The following SBF1 variants were observed in gnomAD, a reference collection of about 807,000 sequenced individuals.
SBF1 encodes the protein myotubularin-related protein 5.
In SBF1, 65 loss-of-function variants were observed where a neutral mutation model predicts 215.8. The ratio of observed to expected loss-of-function variants is 0.30; its 90% CI spans 0.25 to 0.37. The LOEUF is 0.37. SBF1 is among the 10% of genes least tolerant of loss of function. The pLI is 1.00. For synonymous variants in SBF1, 1,410 were observed against 1,122.8 expected (o/e 1.26, Z -5.11); for missense variants, 2,634 against 2,667.8 (o/e 0.99, Z 0.28).
chr22:50,455,682 CA>C, intron 31 of SBF1, 100 bp from the exon 32 acceptor site: 1 of 968,980 alleles, frequency 1.0e-6, no homozygotes, highest in Non-Finnish European at 1.6e-6. Context: ...AGCGGGGAGG[CA>C]GGCCCTGTCC....
rs146838312 is a variant in SBF1 at position 50,460,381 on chromosome 22, G to T, written c.3174C>A (p.Asn1058Lys). 6.2e-7 allele frequency: 1 copy of T among 1,613,000 alleles called. No individual in the cohort carries two copies. The highest frequency in any genetic ancestry group is 8.5e-7 in the Non-Finnish European group (1 of 1,179,324). The change falls in exon 25 of 41, where the codon AAC (asparagine) becomes AAA (lysine). Residue 1058 changes from asparagine to lysine, a missense_variant. Coordinates refer to ENST00000380817, the MANE Select transcript of SBF1 (RefSeq NM_002972.4). ...GCTGCCGCCCGATGGTCTTCTTGGC[G>T]TTCTTGACCAGGTTCCGGGACAGGG... The part of the protein sequence containing the change: ...LRTLSRNLVK[N>K]AKKTIGRQHV...
Position 50,468,070 on chromosome 22 carries a change from C to A in SBF1, c.142-147G>T. Reference sequence around the variant, plus strand: ...TGGAGACCCTGGGGACACGTGGCCTCCTGGGCCTCAGTCTCTCCGGGTGAA... The same window carrying A: ...TGGAGACCCTGGGGACACGTGGCCTACTGGGCCTCAGTCTCTCCGGGTGAA... On this transcript the variant is annotated intron_variant, in intron 2 of 40. Coordinates refer to ENST00000380817, the MANE Select transcript of SBF1 (RefSeq NM_002972.4). 4.9e-6 allele frequency: 5 copies of A among 1,020,370 alleles called. 1 individual carries two copies. In the South Asian group the frequency reaches 8.0e-5, roughly 16 times the overall value. 63.2% of individuals were successfully genotyped at this position (1,020,370 alleles called of 1,614,324 possible).
At chr22:50,461,042 G>C (rs375751190) in intron 23 of SBF1, 117 bp downstream of exon 23, 3 of 1,341,506 alleles carry the variant, frequency 2.2e-6, no homozygotes, top group Admixed American at 2.6e-5. Flanking sequence ...ACATGCAAGC[G>C]TAACAACAGG....
chr22:50,466,772 G>T (rs1406530950), intron 5 of SBF1, 62 bp from the exon 6 acceptor site: 1 of 1,201,388 alleles, frequency 8.3e-7, no homozygotes, highest in African/African-American at 1.5e-5. Flanking sequence ...AGTCAGCCCA[G>T]AGCTCTGTGT....
At position 50,461,292 on chromosome 22, in the gene SBF1, G is replaced by A. The variant is rs770221640; in HGVS notation, c.2840-6C>T. The A allele has an allele frequency of 6.5e-6, 10 of 1,540,952 alleles. No individual in the cohort carries two copies. The African/African-American group carries it at 9.6e-5, about 15-fold the overall frequency. On this transcript the variant is annotated splice_region_variant and splice_polypyrimidine_tract_variant and intron_variant, in intron 22 of 40. Transcript: ENST00000380817. ...GACCACCACCTGCTCCCCAACTTAGGACAGGCCAGGCAGAGTCAGAAGCAA... is the reference window on the plus strand; with the variant it reads ...GACCACCACCTGCTCCCCAACTTAGAACAGGCCAGGCAGAGTCAGAAGCAA...
At chr22:50,447,820 G>A (rs768997573) in intron 38 of SBF1, among the ~76,000 whole-genome samples, 1 of 152,220 alleles carries the variant, frequency 6.6e-6, no homozygotes, top group Non-Finnish European at 1.5e-5. Flanking sequence ...CGCCCAGAAA[G>A]GAGACAGTGA....
At position 50,464,596 on chromosome 22, in the gene SBF1, T is replaced by C. The variant is rs764147010; in HGVS notation, c.1574A>G (p.Gln525Arg). The C allele has an allele frequency of 1.8e-5, 29 of 1,611,910 alleles. No homozygotes were observed. Among genetic ancestry groups the C allele is most frequent in the Non-Finnish European group, 2.5e-5 (29 of 1,179,776 alleles). The change falls in exon 14 of 41, where the codon CAG becomes CGG. Residue 525 changes from glutamine to arginine, a missense_variant. Coordinates refer to ENST00000380817, the MANE Select transcript of SBF1 (RefSeq NM_002972.4). ...WIVDQAAAKMQGAPPAVKAER... is the reference protein window; with the variant it reads ...WIVDQAAAKMRGAPPAVKAER... ...GGCCTTCACAGCTGGGGGTGCACCC[T>C]GCATCTTGGCTGCAGCCTGGTCCAC...
At chr22:50,456,466 C>CCCCCCCCCCCCCCCCCCCCCCCA in intron 30 of SBF1, 26 bp downstream of exon 30, 1 of 1,438,132 alleles carries the variant, frequency 7.0e-7, no homozygotes, top group Non-Finnish European at 9.2e-7. Flanking sequence ...CCCACCCTCA[C>CCCCCCCCCCCCCCCCCCCCCCCA]CCCCCACCCC....
In SBF1 at chr22:50,460,143, C is replaced by A; in HGVS notation, c.3300G>T (p.Glu1100Asp). Residue 1100 changes from glutamate (E) to aspartate (D), a missense_variant, in exon 26 of 41, where the codon GAG becomes GAT. By Grantham distance (45) the Glu-to-Asp change is conservative (BLOSUM62 2). Transcript: ENST00000380817. ...EDEISVSEEL[E>D]PSTLTPSSAL... ...CTGAGGACGGGGTCAGCGTGCTGGG[C>A]TCCAGCTCCTCCGACACTGCACAGG... is the stretch of plus-strand genomic sequence containing the variant. 13 of 1,611,746 alleles carry A rather than the reference C, an allele frequency of 8.1e-6. No individual in the cohort carries two copies. The highest frequency in any genetic ancestry group is 2.7e-5 in the African/African-American group (2 of 75,038).
chr22:50,449,262 G>GA (rs2066950908), intron 36 of SBF1, among the ~76,000 whole-genome samples: 1 of 151,620 alleles, frequency 6.6e-6, no homozygotes, highest in African/African-American at 2.4e-5. Flanking sequence ...GAAAAATGGA[G>GA]AAAAACATTA....
chr22:50,465,412 C>A, intron 10 of SBF1, 84 bp from the exon 11 acceptor site: 1 of 1,171,780 alleles, frequency 8.5e-7, no homozygotes, highest in Non-Finnish European at 1.2e-6. Context: ...ACACCCCAAC[C>A]CACCCCAAGC....
Position 50,459,662 on chromosome 22 carries a change from G to C in SBF1, c.3496C>G (p.Pro1166Ala). 3 of 1,603,496 alleles carry C rather than the reference G, an allele frequency of 1.9e-6. No individual in the cohort carries two copies. The highest frequency in any genetic ancestry group is 1.1e-5 in the South Asian group (1 of 90,176). Reference sequence around the variant, plus strand: ...CTCTGGGGCACGATCAGCAGCCCTGGGTAGCTGAGAGGAGGCAGAGGCGTG... The same window carrying C: ...CTCTGGGGCACGATCAGCAGCCCTGCGTAGCTGAGAGGAGGCAGAGGCGTG... ...NRMYAICRSY[P>A]GLLIVPQSVQ... Residue 1166 changes from proline (P) to alanine (A), a missense_variant, in exon 27 of 41, where the codon CCA becomes GCA. Pro to Ala is a conservative substitution (Grantham distance 27, BLOSUM62 -1). Transcript: ENST00000380817.
chr22:50,463,009 A>G, intron 16 of SBF1, 71 bp from the exon 17 acceptor site: 1 of 1,427,368 alleles, frequency 7.0e-7, no homozygotes, highest in Non-Finnish European at 9.6e-7. Context: ...CCATGCCCCC[A>G]CCACCCCATA....
Position 50,474,965 on chromosome 22 carries a change from CGCGGCGGCGGCG to C in SBF1, c.-137_-126del, listed in dbSNP as rs71198252. 1,852 of 276,766 alleles carry C rather than the reference CGCGGCGGCGGCG, an allele frequency of 6.7e-3. 20 individuals carry two copies. The highest frequency in any genetic ancestry group is 9.2e-3 in the Non-Finnish European group (1,586 of 173,144). The allele number at this position is 276,766 out of a possible 1,614,324, so 17.1% of individuals were successfully genotyped here. ...CACCCCGGACACCCCTGGTTCGCTCCGCGGCGGCGGCGGCGGCGGCGGCGGCGGCCCAGGTTC... is the reference window on the plus strand; with the variant it reads ...CACCCCGGACACCCCTGGTTCGCTCCGCGGCGGCGGCGGCGGCCCAGGTTC... On this transcript the variant is annotated 5_prime_UTR_variant, in exon 1 of 41. Coordinates refer to ENST00000380817, the MANE Select transcript of SBF1 (RefSeq NM_002972.4).
In SBF1 at chr22:50,461,492, G is replaced by C. The variant is rs751283177; in HGVS notation, c.2839+31C>G. The C allele has an allele frequency of 7.0e-6, 11 of 1,563,712 alleles. No homozygotes were observed. In the South Asian group the frequency reaches 9.1e-5, roughly 13 times the overall value. Reference sequence around the variant, plus strand: ...CATCCCAAAGACCTGGGGGAGAGGGGGCGACAGGGCCAGAGAGTCTGCAGG... The same window carrying C: ...CATCCCAAAGACCTGGGGGAGAGGGCGCGACAGGGCCAGAGAGTCTGCAGG... On this transcript the variant is annotated intron_variant, in intron 22 of 40. Transcript: ENST00000380817.
chr22:50,462,836 C>T, intron 17 of SBF1, 34 bp downstream of exon 17: 1 of 1,612,488 alleles, frequency 6.2e-7, no homozygotes, highest in Non-Finnish European at 8.5e-7. Flanking sequence ...GAAGGGGGGG[C>T]TGGGAAGGAG....
rs908437194 is a variant in SBF1, at chr22:50,447,090, C to T, written c.*52G>A. 1.9e-5 allele frequency: 29 copies of T among 1,526,424 alleles called. No individual in the cohort carries two copies. Among genetic ancestry groups the T allele is most frequent in the Non-Finnish European group, 2.3e-5 (26 of 1,118,004 alleles). The allele number at this position is 1,526,424 out of a possible 1,614,324, so 94.6% of individuals were successfully genotyped here. ...CATGGCCGGGGCGGCCCTGCCCACC[C>T]CTAGTGGTCGGTAACGACCGGAAGC... On this transcript the variant is annotated 3_prime_UTR_variant, in exon 41 of 41. Coordinates refer to ENST00000380817, the MANE Select transcript of SBF1 (RefSeq NM_002972.4).
At chr22:50,456,423 A>T (rs746688679) in intron 30 of SBF1, 28 bp from the exon 31 acceptor site, 1 of 1,606,710 alleles carries the variant, frequency 6.2e-7, no homozygotes, top group East Asian at 2.2e-5. Flanking sequence ...AAGTCCCGTG[A>T]GACACATGAG....
intron 36 of SBF1, among the ~76,000 whole-genome samples, chr22:50,449,916 G>C (rs899162559): frequency 3.3e-5 from 5 of 152,210 alleles, no homozygotes; most frequent in Admixed American, 2.0e-4. Context: ...AGTGCAGCTT[G>C]AGAGACAGGA....
Sources: allele counts gnomAD v4.1 joint callset (sites outside exome capture counted in the v4.1 genomes callset), GRCh38; gene constraint gnomAD v4.1.1; transcripts MANE v1.5; gene names NCBI Gene and HGNC (gene_info 2026-07-23, HGNC 2026-07-21).